Variants in LRP1B observed in about 807,000 individuals in gnomAD.
LRP1B encodes the protein low-density lipoprotein receptor-related protein 1B.
A neutral mutation model predicts 556.6 loss-of-function variants in LRP1B; 217 were observed. That is an observed-to-expected ratio of 0.39 (90% CI 0.35 to 0.44). The LOEUF is 0.44. LRP1B is among the 20% of genes least tolerant of loss of function. The pLI is 1.00. For synonymous variants in LRP1B, 2,047 were observed against 1,865.8 expected (o/e 1.10, Z -2.50); for missense variants, 5,053 against 5,620.8 (o/e 0.90, Z 3.23).
At chr2:140,684,773 C>T (rs991273775) in intron 41 of LRP1B, among the ~76,000 whole-genome samples, 2 of 152,012 alleles carry the variant, frequency 1.3e-5, no homozygotes, top group African/African-American at 4.8e-5. Flanking sequence ...AGTTTTTAGG[C>T]TCTGATTGTC....
intron 41 of LRP1B, among the ~76,000 whole-genome samples, chr2:140,657,420 GAAT>G (rs974265254): frequency 2.6e-5 from 4 of 151,370 alleles, no homozygotes; most frequent in African/African-American, 9.7e-5. Context: ...TATATACATT[GAAT>G]AATATTTTAG....
At chr2:141,188,360 T>G (rs1681353539) in intron 7 of LRP1B, 61 bp downstream of exon 7, 1 of 1,499,368 alleles carries the variant, frequency 6.7e-7, no homozygotes, top group African/African-American at 1.4e-5. Flanking sequence ...CTTGTCATAC[T>G]TCAATCTTTT....
chr2:141,662,635 C>T (rs1249412984), intron 2 of LRP1B, among the ~76,000 whole-genome samples: 1 of 151,892 alleles, frequency 6.6e-6, no homozygotes, highest in Non-Finnish European at 1.5e-5. Flanking sequence ...GCTAACTATC[C>T]TACATATATA....
At chr2:141,111,303 C>T (rs1484116892) in intron 7 of LRP1B, among the ~76,000 whole-genome samples, 4 of 151,840 alleles carry the variant, frequency 2.6e-5, no homozygotes, top group Non-Finnish European at 4.4e-5. Flanking sequence ...AATAGAAAAA[C>T]CAAGACAGAG....
chr2:140,316,808 C>T (rs1055779760), intron 82 of LRP1B, among the ~76,000 whole-genome samples: 1 of 152,094 alleles, frequency 6.6e-6, no homozygotes, highest in Non-Finnish European at 1.5e-5. Flanking sequence ...ATGTACCATA[C>T]ACACATATAC....
chr2:140,260,343 T>C (rs998544858), intron 86 of LRP1B, among the ~76,000 whole-genome samples: 1 of 151,900 alleles, frequency 6.6e-6, no homozygotes, highest in Non-Finnish European at 1.5e-5. Flanking sequence ...TTCTTCTGTT[T>C]TTAAAAGAGA....
intron 32 of LRP1B, among the ~76,000 whole-genome samples, chr2:140,789,124 T>C (rs922843762): frequency 7.9e-5 from 12 of 152,188 alleles, no homozygotes; most frequent in African/African-American, 2.9e-4. Flanking sequence ...ATCAACTTAC[T>C]TATTCAGGGC....
intron 77 of LRP1B, 25 bp from the exon 78 acceptor site, chr2:140,335,863 C>T (rs756297687): frequency 7.0e-7 from 1 of 1,424,802 alleles, no homozygotes. Context: ...AACAACACAC[C>T]ACGGTATTTT....
chr2:141,672,626 C>T (rs559935025), intron 2 of LRP1B, among the ~76,000 whole-genome samples: 1 of 152,160 alleles, frequency 6.6e-6, no homozygotes, highest in East Asian at 1.9e-4. Flanking sequence ...TTTTCTAAAT[C>T]TGGGAAGCCT....
At chr2:141,738,676 A>T (rs527735465) in intron 2 of LRP1B, among the ~76,000 whole-genome samples, 21 of 152,280 alleles carry the variant, frequency 1.4e-4, no homozygotes, top group Non-Finnish European at 2.9e-4. Context: ...TAGAAAATCC[A>T]TTCCCAACCA....
At chr2:141,256,375 A>G (rs1340684867) in intron 3 of LRP1B, among the ~76,000 whole-genome samples, 1 of 151,938 alleles carries the variant, frequency 6.6e-6, no homozygotes, top group East Asian at 1.9e-4. Context: ...ATGTAGTTAA[A>G]AAAAAAAATG....
intron 2 of LRP1B, among the ~76,000 whole-genome samples, chr2:141,643,802 A>G (rs573886999): frequency 6.6e-6 from 1 of 152,228 alleles, no homozygotes; most frequent in South Asian, 2.1e-4. Context: ...TTCAACATAT[A>G]CTAGTCATGT....
chr2:140,738,654 T>A (rs1177277907), intron 35 of LRP1B, among the ~76,000 whole-genome samples: 1 of 152,162 alleles, frequency 6.6e-6, no homozygotes, highest in Non-Finnish European at 1.5e-5. Flanking sequence ...TTAGAATTAC[T>A]CTGCTAAAAT....
intron 7 of LRP1B, among the ~76,000 whole-genome samples, chr2:141,091,910 C>T (rs545960927): frequency 6.6e-6 from 1 of 152,148 alleles, no homozygotes; most frequent in Non-Finnish European, 1.5e-5. Context: ...TTTGATTTAA[C>T]CCATCACCAC....
At chr2:141,534,602 G>A (rs915505268) in intron 2 of LRP1B, among the ~76,000 whole-genome samples, 1 of 151,972 alleles carries the variant, frequency 6.6e-6, no homozygotes, top group South Asian at 2.1e-4. Context: ...ACAGAACAGG[G>A]AAACAAATTT....
intron 83 of LRP1B, among the ~76,000 whole-genome samples, chr2:140,299,328 A>T (rs1683724314): frequency 6.6e-6 from 1 of 152,086 alleles, no homozygotes; most frequent in Admixed American, 6.5e-5. Flanking sequence ...CTTTGAAAGG[A>T]CTCTACATGC....
At chr2:140,957,393 G>A (rs1695905494) in intron 18 of LRP1B, among the ~76,000 whole-genome samples, 1 of 151,490 alleles carries the variant, frequency 6.6e-6, no homozygotes, top group Non-Finnish European at 1.5e-5. Flanking sequence ...TAGAAGTAGT[G>A]AAATAGGCTT....
chr2:141,725,380 T>C (rs1039633791), intron 2 of LRP1B, among the ~76,000 whole-genome samples: 1 of 151,868 alleles, frequency 6.6e-6, no homozygotes, highest in African/African-American at 2.4e-5. Context: ...AGTAATCAAG[T>C]GTTATCAAGT....
intron 1 of LRP1B, among the ~76,000 whole-genome samples, chr2:141,931,050 T>C (rs924919919): frequency 1.3e-5 from 2 of 152,052 alleles, no homozygotes; most frequent in African/African-American, 2.4e-5. Context: ...AATAAACATG[T>C]CTGCACACCT....
Sources: gnomAD v4.1 joint callset for allele counts (sites outside exome capture counted in the v4.1 genomes callset) on GRCh38, gnomAD v4.1.1 for gene constraint, MANE v1.5 for transcripts, NCBI Gene and HGNC (gene_info 2026-07-23, HGNC 2026-07-21) for gene names.